Variants in AKR1E2 observed in about 807,000 individuals in gnomAD.
The protein encoded by AKR1E2 is 1,5-anhydro-D-fructose reductase.
AKR1E2 carries 43 observed loss-of-function variants against 41.9 expected under a neutral mutation model. The observed-to-expected ratio is 1.03, with a 90% CI of 0.80 to 1.32. The LOEUF (loss-of-function observed/expected upper bound fraction) is 1.32. Among genes scored for constraint, AKR1E2 ranks in the 40% most tolerant of loss-of-function variants. The probability of loss-of-function intolerance (pLI) is 0.00; values close to 1 mark genes in which losing one functional copy is unlikely to be tolerated. For synonymous variants in AKR1E2, 121 were observed against 138.9 expected, an observed-to-expected ratio of 0.87 and a Z score of 0.91; for missense variants, 423 against 396.5, an observed-to-expected ratio of 1.07 and a Z score of -0.57.
chr10:4,864,823 A>C, the AKR1E2 span, among the ~76,000 whole-genome samples: 1 of 152,256 alleles, frequency 6.6e-6, no homozygotes, highest in Non-Finnish European at 1.5e-5. Flanking sequence ...TAACAGAGTA[A>C]GTGAATTATA....
chr10:4,841,437 G>A (rs1276907808), intron 6 of AKR1E2, among the ~76,000 whole-genome samples: 4 of 152,046 alleles, frequency 2.6e-5, no homozygotes, highest in African/African-American at 7.3e-5. Context: ...GTGCCAGGGT[G>A]TACAGTAGAA....
chr10:4,849,748 G>A (rs1312835095), downstream of AKR1E2, among the ~76,000 whole-genome samples: 1 of 152,160 alleles, frequency 6.6e-6, no homozygotes, highest in Non-Finnish European at 1.5e-5. Context: ...CACGATAGCT[G>A]GCCAATGAGG....
chr10:4,858,499 G>T, the AKR1E2 span, among the ~76,000 whole-genome samples: 14 of 152,302 alleles, frequency 9.2e-5, no homozygotes, highest in Non-Finnish European at 1.9e-4. Context: ...TTATTTCAAT[G>T]CAATTGGTGC....
the AKR1E2 span, among the ~76,000 whole-genome samples, chr10:4,857,494 A>C: frequency 0.26 from 39,209 of 151,952 alleles, 5,247 homozygotes; most frequent in Middle Eastern, 0.36. Context: ...AGTTTCCTGA[A>C]GCTTCCCCAG....
rs376947508 is a variant in AKR1E2, at chr10:4,837,589, G to A, written c.582+8G>A. 227 of 1,611,840 alleles carry A rather than the reference G, an allele frequency of 1.4e-4. 2 individuals carry two copies. The South Asian group carries it at 1.6e-3, about 11-fold the overall frequency. ...AAGCCACTAACCAACCAGGTAAGCCGATGGAAGCATCAGAGAGTTTAACCT... is the reference window on the plus strand; with the variant it reads ...AAGCCACTAACCAACCAGGTAAGCCAATGGAAGCATCAGAGAGTTTAACCT... On this transcript the variant is annotated splice_region_variant and intron_variant, in intron 5 of 9. Transcript: ENST00000298375.
intron 8 of AKR1E2, among the ~76,000 whole-genome samples, chr10:4,846,414 A>G (rs544567172): frequency 2.0e-5 from 3 of 152,136 alleles, no homozygotes; most frequent in Admixed American, 2.0e-4. Flanking sequence ...CAGAAAATGT[A>G]CTCTGTGATA....
intron 2 of AKR1E2, among the ~76,000 whole-genome samples, chr10:4,831,447 G>A (rs866805057): frequency 5.3e-5 from 8 of 152,294 alleles, no homozygotes; most frequent in East Asian, 1.9e-4. Context: ...GGCAAAAGGC[G>A]AAGGAGGAAC....
chr10:4,847,029 G>C, intron 8 of AKR1E2, 119 bp from the exon 9 acceptor site: 2 of 1,076,966 alleles, frequency 1.9e-6, no homozygotes, highest in Non-Finnish European at 2.7e-6. Flanking sequence ...GTCTGATGAA[G>C]TGTTTGTTTT....
At chr10:4,849,117 A>T (rs992536560), downstream of AKR1E2, among the ~76,000 whole-genome samples, 2 of 152,170 alleles carry the variant, frequency 1.3e-5, no homozygotes, top group Admixed American at 1.3e-4. Flanking sequence ...CAAGAGCTTC[A>T]TGGGAGCCTC....
At chr10:4,843,313 G>A (rs17133751) in intron 8 of AKR1E2, among the ~76,000 whole-genome samples, 5,295 of 152,238 alleles carry the variant, frequency 0.035, 147 homozygotes, top group East Asian at 0.11. Context: ...TAATGATACA[G>A]TGAAGGGATA....
At chr10:4,870,847 A>G in the AKR1E2 span, among the ~76,000 whole-genome samples, 1 of 152,102 alleles carries the variant, frequency 6.6e-6, no homozygotes, top group Non-Finnish European at 1.5e-5. Context: ...TTCAGCAATT[A>G]AAGTAGCCAT....
chr10:4,871,307 T>C, the AKR1E2 span, among the ~76,000 whole-genome samples: 2 of 151,716 alleles, frequency 1.3e-5, no homozygotes, highest in Admixed American at 1.3e-4. Context: ...CATCTGGGTG[T>C]ACCATCTGTT....
chr10:4,834,915 G>A (rs766552097), intron 3 of AKR1E2, among the ~76,000 whole-genome samples: 1 of 152,232 alleles, frequency 6.6e-6, no homozygotes, highest in African/African-American at 2.4e-5. Flanking sequence ...GTCCCGGGCT[G>A]CAATTTTGTG....
At chr10:4,850,135 C>A (rs563180093), downstream of AKR1E2, among the ~76,000 whole-genome samples, 1 of 152,170 alleles carries the variant, frequency 6.6e-6, no homozygotes, top group Non-Finnish European at 1.5e-5. Context: ...TTCTTTGGTT[C>A]CCTGCTTTTC....
intron 3 of AKR1E2, among the ~76,000 whole-genome samples, chr10:4,834,071 G>A (rs904359133): frequency 1.3e-5 from 2 of 152,212 alleles, no homozygotes; most frequent in East Asian, 3.8e-4. Flanking sequence ...TGCCTCACAC[G>A]GGTCCTGGCC....
downstream of AKR1E2, among the ~76,000 whole-genome samples, chr10:4,849,602 G>A (rs1037333631): frequency 3.3e-5 from 5 of 152,348 alleles, no homozygotes; most frequent in South Asian, 2.1e-4. Flanking sequence ...GGTTACCAGA[G>A]GCTGGGGAGG....
intron 7 of AKR1E2, 44 bp downstream of exon 7, chr10:4,841,901 C>T (rs372491126): frequency 4.1e-4 from 652 of 1,575,482 alleles, no homozygotes; most frequent in African/African-American, 5.0e-4. Context: ...GTTCTCTGAC[C>T]GCTCTACATC....
the AKR1E2 span, among the ~76,000 whole-genome samples, chr10:4,854,579 G>C: frequency 6.6e-6 from 1 of 152,074 alleles, no homozygotes; most frequent in Admixed American, 6.5e-5. Context: ...GGCTAACTTT[G>C]GGTAAGTGGT....
rs762002183 is a variant in AKR1E2 at position 4,833,440 on chromosome 10, C to G, written c.298C>G (p.Leu100Val). The G allele has an allele frequency of 6.2e-7, 1 of 1,614,020 alleles. No homozygotes were observed. Among genetic ancestry groups the G allele is most frequent in the Non-Finnish European group, 8.5e-7 (1 of 1,179,998 alleles). Reference sequence around the variant, plus strand: ...GAAGCTGAACTATTTGGACCTCTACCTCATACACTGGCCCATGGGTTTCAA... The same window carrying G: ...GAAGCTGAACTATTTGGACCTCTACGTCATACACTGGCCCATGGGTTTCAA... ...ALKLNYLDLY[L>V]IHWPMGFKPP... is the part of the protein sequence containing the mutation. The change falls in exon 3 of 10, where the codon CTC becomes GTC. Residue 100 changes from leucine (L) to valine (V), a missense_variant. Transcript: ENST00000298375.
Sources: allele counts gnomAD v4.1 joint callset (sites outside exome capture counted in the v4.1 genomes callset), GRCh38; gene constraint gnomAD v4.1.1; transcripts MANE v1.5; gene names NCBI Gene and HGNC (gene_info 2026-07-23, HGNC 2026-07-21).